Variants in NUP98 observed in about 807,000 individuals in gnomAD.
NUP98 encodes the protein nuclear pore complex protein Nup98-Nup96.
In NUP98, 26 loss-of-function variants were observed where a neutral mutation model predicts 191.9. The ratio of observed to expected loss-of-function variants is 0.14; its 90% CI spans 0.10 to 0.19. The LOEUF is 0.19. Ranked by LOEUF, NUP98 falls within the 10% of genes least tolerant of loss-of-function variation. NUP98 has a pLI of 1.00. For synonymous variants in NUP98, 808 were observed against 778.4 expected (o/e 1.04, Z -0.63); for missense variants, 1,941 against 2,178.8 (o/e 0.89, Z 2.17).
intron 24 of NUP98, among the ~76,000 whole-genome samples, chr11:3,700,268 CAAAAAAA>C (rs35824298): frequency 5.4e-5 from 5 of 93,442 alleles, no homozygotes; most frequent in African/African-American, 8.0e-5. Context: ...GACTCCGTCT[CAAAAAAA>C]AAAAAAAAAA....
intron 10 of NUP98, among the ~76,000 whole-genome samples, chr11:3,759,304 T>C (rs897883302): frequency 7.9e-5 from 12 of 152,096 alleles, no homozygotes; most frequent in South Asian, 2.1e-4. Context: ...ATAAGATATA[T>C]TGAAAATATT....
At chr11:3,736,761 T>G (rs1368415776) in intron 12 of NUP98, among the ~76,000 whole-genome samples, 1 of 152,232 alleles carries the variant, frequency 6.6e-6, no homozygotes, top group Non-Finnish European at 1.5e-5. Flanking sequence ...AAAAATATTA[T>G]GTACATTAAG....
At chr11:3,746,329 A>C (rs2080500201) in intron 11 of NUP98, among the ~76,000 whole-genome samples, 1 of 149,032 alleles carries the variant, frequency 6.7e-6, no homozygotes, top group Non-Finnish European at 1.5e-5. Flanking sequence ...ACTTCTTTTA[A>C]AGTTCTAAAC....
chr11:3,797,315 C>T (rs1277537904), intron 1 of NUP98, 85 bp downstream of exon 1: 2 of 400,754 alleles, frequency 5.0e-6, no homozygotes, highest in African/African-American at 2.1e-5. Flanking sequence ...GCGGAGAGGC[C>T]CTGAGACGCC....
chr11:3,713,372 G>C (rs2079077945), intron 19 of NUP98, among the ~76,000 whole-genome samples: 1 of 152,180 alleles, frequency 6.6e-6, no homozygotes, highest in African/African-American at 2.4e-5. Flanking sequence ...TAGGTTTGTA[G>C]TTTGGAGTGA....
At chr11:3,683,488 G>A (rs1564801605) in intron 29 of NUP98, 47 bp from the exon 30 acceptor site, 1 of 1,606,182 alleles carries the variant, frequency 6.2e-7, no homozygotes, top group Non-Finnish European at 8.5e-7. Flanking sequence ...CATTCATGGA[G>A]AAGGCTGCCC....
At chr11:3,704,473 G>A (rs1431262186) in intron 22 of NUP98, among the ~76,000 whole-genome samples, 1 of 152,202 alleles carries the variant, frequency 6.6e-6, no homozygotes, top group African/African-American at 2.4e-5. Context: ...TGTGCATTAC[G>A]AGAAGCAATA....
intron 16 of NUP98, 102 bp from the exon 17 acceptor site, chr11:3,720,927 C>T: frequency 1.7e-6 from 1 of 590,962 alleles, no homozygotes; most frequent in East Asian, 2.9e-5. Flanking sequence ...GAAGAATTTT[C>T]CAAACTACTT....
intron 21 of NUP98, 52 bp from the exon 22 acceptor site, chr11:3,705,408 A>G: frequency 1.3e-6 from 2 of 1,581,744 alleles, no homozygotes; most frequent in Non-Finnish European, 8.6e-7. Context: ...TCAAAAGGCC[A>G]TACCAAAAAA....
At chr11:3,679,122 C>CA (rs36063275) in intron 31 of NUP98, among the ~76,000 whole-genome samples, 19,551 of 96,244 alleles carry the variant, frequency 0.2, 1,773 homozygotes, top group East Asian at 0.34. Flanking sequence ...GACTCTGTTC[C>CA]AAAAAAAAAA....
At chr11:3,774,589 G>A (rs1332129373) in intron 5 of NUP98, among the ~76,000 whole-genome samples, 2 of 152,016 alleles carry the variant, frequency 1.3e-5, no homozygotes, top group Admixed American at 6.6e-5. Flanking sequence ...GCTTGGGTGG[G>A]TGCCTGTAAT....
At chr11:3,753,890 G>T (rs56973852) in intron 10 of NUP98, among the ~76,000 whole-genome samples, 1 of 149,262 alleles carries the variant, frequency 6.7e-6, no homozygotes, top group East Asian at 2.0e-4. Flanking sequence ...AGTGAGCCTA[G>T]ATTGCGCCAC....
intron 18 of NUP98, among the ~76,000 whole-genome samples, chr11:3,718,619 T>A (rs981488605): frequency 6.6e-6 from 1 of 152,092 alleles, no homozygotes; most frequent in East Asian, 1.9e-4. Context: ...AAGGATCGAT[T>A]GATCTGCTCA....
At position 3,702,660 on chromosome 11, in the gene NUP98, C is replaced by T; in HGVS notation, c.3315G>A (p.Lys1105=). 2 of 1,614,148 alleles carry T rather than the reference C, an allele frequency of 1.2e-6. No individual in the cohort carries two copies. ...GTTTTCCCTTGCCATAGGTGACAGA[C>T]TTTTCACGAGGGACTAGGCCTAGTT... ...RRQLGLVPRE[K]SVTYGKGKLL... is the part of the protein sequence containing the mutation. The change falls in exon 23 of 33, where the codon AAG becomes AAA. Residue 1105 remains lysine, a synonymous_variant. Coordinates refer to ENST00000324932, the MANE Select transcript of NUP98 (RefSeq NM_016320.5).
intron 12 of NUP98, among the ~76,000 whole-genome samples, chr11:3,739,014 A>C (rs1028386359): frequency 6.6e-6 from 1 of 152,126 alleles, no homozygotes; most frequent in African/African-American, 2.4e-5. Flanking sequence ...CCTTCAACTA[A>C]GATTCCGTGG....
At chr11:3,730,081 A>G (rs1172864817) in intron 14 of NUP98, among the ~76,000 whole-genome samples, 2 of 151,994 alleles carry the variant, frequency 1.3e-5, no homozygotes, top group African/African-American at 4.8e-5. Context: ...ATCTCTACAC[A>G]AAAATTAGCC....
At chr11:3,735,837 G>A (rs1275686691) in intron 12 of NUP98, among the ~76,000 whole-genome samples, 1 of 136,338 alleles carries the variant, frequency 7.3e-6, no homozygotes, top group Non-Finnish European at 1.7e-5. Context: ...CAAATACTGT[G>A]TGTGTGTGTG....
chr11:3,790,103 T>C (rs937438822), intron 1 of NUP98, among the ~76,000 whole-genome samples: 1 of 152,040 alleles, frequency 6.6e-6, no homozygotes, highest in African/African-American at 2.4e-5. Flanking sequence ...ATCAAGAAGG[T>C]TGAGTGTGCA....
At position 3,713,973 on chromosome 11, in the gene NUP98, C is replaced by T; in HGVS notation, c.2422G>A (p.Gly808Arg). 6.2e-7 allele frequency: 1 copy of T among 1,614,060 alleles called. No individual in the cohort carries two copies. Among genetic ancestry groups the T allele is most frequent in the East Asian group, 2.2e-5 (1 of 44,880 alleles). Residue 808 changes from glycine (G) to arginine (R), a missense_variant, in exon 19 of 33, where the codon GGA becomes AGA. Coordinates refer to ENST00000324932, the MANE Select transcript of NUP98 (RefSeq NM_016320.5). ...LNRKAEVTLD[G>R]VWPTDKTSRC... ...GATGTTTTATCTGTTGGCCAAACTC[C>T]ATCCAATGTAACTTCAGCCTTCCTG...
Sources: allele counts gnomAD v4.1 joint callset (sites outside exome capture counted in the v4.1 genomes callset), GRCh38; gene constraint gnomAD v4.1.1; transcripts MANE v1.5; gene names NCBI Gene and HGNC (gene_info 2026-07-23, HGNC 2026-07-21).